Variants in MBOAT2 observed in about 807,000 individuals in gnomAD.
MBOAT2 encodes membrane bound glycerophospholipid O-acyltransferase 2, also known as membrane-bound glycerophospholipid O-acyltransferase 2.
Under a neutral mutation model 63.4 loss-of-function variants are expected in MBOAT2, and 28 were observed. That is an observed-to-expected ratio of 0.44 (90% confidence interval 0.33 to 0.61). The LOEUF (loss-of-function observed/expected upper bound fraction) is 0.61, where lower values mean the gene tolerates loss of function less well. MBOAT2 is among the 20% of genes least tolerant of loss of function. The pLI is 0.03. For missense variants in MBOAT2, 470 were observed against 605.8 expected, an observed-to-expected ratio of 0.78 and a Z score of 2.35; for synonymous variants, 211 against 215.6, an observed-to-expected ratio of 0.98 and a Z score of 0.19.
At chr2:8,898,203 G>A (rs1664632112) in intron 4 of MBOAT2, among the ~76,000 whole-genome samples, 1 of 152,164 alleles carries the variant, frequency 6.6e-6, no homozygotes, top group Non-Finnish European at 1.5e-5. Context: ...GCTGGAGCTT[G>A]TACTAGGGCC....
chr2:8,999,684 T>G (rs1040951988), intron 1 of MBOAT2, among the ~76,000 whole-genome samples: 1 of 152,108 alleles, frequency 6.6e-6, no homozygotes, highest in Admixed American at 6.5e-5. Context: ...ATTTCCCTCC[T>G]CAAAACCCAC....
Position 8,927,893 on chromosome 2 carries a change from G to T in MBOAT2, c.299+15294C>A, listed in dbSNP as rs116022117. 3.6e-3 allele frequency among the ~76,000 whole-genome samples: 545 copies of T among 152,230 alleles called. 5 individuals are homozygous for T. Among genetic ancestry groups the T allele is most frequent in the Non-Finnish European group, 6.2e-3 (424 of 67,998 alleles). On this transcript the variant is annotated intron_variant, in intron 3 of 12. Transcript: ENST00000305997. ...TCTGAGTAATTTACAAAGAAAAGAG[G>T]GTTAATTGGCTCACAGTTCTGCAGC... is the stretch of plus-strand genomic sequence containing the variant.
At chr2:8,874,158 T>C (rs1054062322) in intron 7 of MBOAT2, among the ~76,000 whole-genome samples, 2 of 152,218 alleles carry the variant, frequency 1.3e-5, no homozygotes, top group Admixed American at 1.3e-4. Flanking sequence ...ACACTTTATA[T>C]AATAGTGCCA....
At chr2:8,884,461 G>A (rs1219910851) in intron 5 of MBOAT2, among the ~76,000 whole-genome samples, 1 of 139,848 alleles carries the variant, frequency 7.2e-6, no homozygotes, top group African/African-American at 2.7e-5. Flanking sequence ...CCCCATATCA[G>A]ATATATGTTG....
At chr2:8,900,080 C>T (rs186088978) in intron 4 of MBOAT2, among the ~76,000 whole-genome samples, 5 of 152,194 alleles carry the variant, frequency 3.3e-5, no homozygotes, top group African/African-American at 9.6e-5. Flanking sequence ...TTTTTCCTTT[C>T]CCTGAGTTAC....
chr2:8,873,356 T>G, intron 7 of MBOAT2, 56 bp from the exon 8 acceptor site: 1 of 1,522,204 alleles, frequency 6.6e-7, no homozygotes, highest in South Asian at 1.2e-5. Flanking sequence ...TTTAATTCAT[T>G]CTATGTATTA....
At chr2:8,919,486 T>C (rs1210951457) in intron 3 of MBOAT2, among the ~76,000 whole-genome samples, 1 of 152,230 alleles carries the variant, frequency 6.6e-6, no homozygotes, top group Non-Finnish European at 1.5e-5. Context: ...AATTCGCTAA[T>C]GGCTAGTGAT....
At chr2:8,939,059 G>A (rs2103226218) in intron 3 of MBOAT2, among the ~76,000 whole-genome samples, 1 of 152,276 alleles carries the variant, frequency 6.6e-6, no homozygotes, top group East Asian at 1.9e-4. Flanking sequence ...ACAGTGCCTA[G>A]GACACAGGAG....
At chr2:8,945,965 TCA>T (rs1233648149) in intron 2 of MBOAT2, among the ~76,000 whole-genome samples, 2 of 152,188 alleles carry the variant, frequency 1.3e-5, no homozygotes, top group Admixed American at 1.3e-4. Context: ...GTTTATGTCC[TCA>T]CAGAGCTCCC....
chr2:9,002,435 G>A (rs747286908), intron 1 of MBOAT2, among the ~76,000 whole-genome samples: 2 of 152,242 alleles, frequency 1.3e-5, no homozygotes, highest in African/African-American at 2.4e-5. Flanking sequence ...CCGTATTGAA[G>A]TGAAATCCCT....
chr2:8,994,110 A>G (rs1672104381), intron 1 of MBOAT2, among the ~76,000 whole-genome samples: 2 of 152,180 alleles, frequency 1.3e-5, no homozygotes, highest in African/African-American at 4.8e-5. Context: ...TGCTTTCATC[A>G]CACCAGCCCT....
At chr2:8,961,584 A>C (rs987951139) in intron 1 of MBOAT2, among the ~76,000 whole-genome samples, 1 of 151,278 alleles carries the variant, frequency 6.6e-6, no homozygotes, top group Non-Finnish European at 1.5e-5. Flanking sequence ...ATTTCCCATC[A>C]GTAGGGAAAA....
At chr2:8,946,531 A>G (rs1466089037) in intron 2 of MBOAT2, among the ~76,000 whole-genome samples, 2 of 152,198 alleles carry the variant, frequency 1.3e-5, no homozygotes, top group East Asian at 3.8e-4. Flanking sequence ...GATTTTTCCA[A>G]CTAGAAGGTT....
chr2:8,972,134 T>C (rs1177904183), intron 1 of MBOAT2, among the ~76,000 whole-genome samples: 5 of 152,174 alleles, frequency 3.3e-5, no homozygotes, highest in Admixed American at 3.3e-4. Flanking sequence ...AAGGCTACAG[T>C]AACCAAAACA....
At chr2:8,985,502 G>A (rs569052551) in intron 1 of MBOAT2, among the ~76,000 whole-genome samples, 16 of 152,140 alleles carry the variant, frequency 1.1e-4, no homozygotes, top group African/African-American at 3.9e-4. Context: ...ACTTAACACA[G>A]CCCAAAGGAA....
intron 6 of MBOAT2, among the ~76,000 whole-genome samples, chr2:8,878,442 C>G (rs1048789543): frequency 5.9e-5 from 9 of 152,214 alleles, no homozygotes; most frequent in Non-Finnish European, 1.3e-4. Context: ...ATGCTCCTCT[C>G]TGAATATGAT....
intron 2 of MBOAT2, among the ~76,000 whole-genome samples, chr2:8,951,372 T>C (rs896148826): frequency 2.0e-5 from 3 of 152,098 alleles, no homozygotes; most frequent in African/African-American, 7.2e-5. Flanking sequence ...ACCTGGCTAA[T>C]TTTTGTGTTT....
chr2:8,979,671 C>T (rs576047093), intron 1 of MBOAT2, among the ~76,000 whole-genome samples: 3 of 152,154 alleles, frequency 2.0e-5, no homozygotes, highest in South Asian at 4.2e-4. Context: ...CTTGCTATTG[C>T]TTGATGCCAT....
chr2:8,879,904 G>T (rs1278633333), intron 6 of MBOAT2, among the ~76,000 whole-genome samples: 1 of 152,130 alleles, frequency 6.6e-6, no homozygotes, highest in Admixed American at 6.6e-5. Flanking sequence ...GCGGAGCAAA[G>T]GGACGGAAAG....
Sources: allele counts gnomAD v4.1 joint callset (sites outside exome capture counted in the v4.1 genomes callset), GRCh38; gene constraint gnomAD v4.1.1; transcripts MANE v1.5; gene names NCBI Gene and HGNC (gene_info 2026-07-23, HGNC 2026-07-21).